GALNS: variants seen among roughly 807,000 people sequenced by gnomAD.
GALNS encodes the protein N-acetylgalactosamine-6-sulfatase.
In GALNS, 65 loss-of-function variants were observed where a neutral mutation model predicts 65.9. That is an observed-to-expected ratio of 0.99 (90% CI 0.81 to 1.21). The LOEUF is 1.21. Ranked by LOEUF, GALNS falls within the 50% of genes most tolerant of loss-of-function variation. The pLI is 0.00. For missense variants in GALNS, 776 were observed against 700.7 expected, an observed-to-expected ratio of 1.11 and a Z score of -1.21; for synonymous variants, 346 against 288.9, an observed-to-expected ratio of 1.20 and a Z score of -2.00.
chr16:88,842,655 T>C (rs1967028260), intron 2 of GALNS, 51 bp downstream of exon 2: 1 of 1,602,734 alleles, frequency 6.2e-7, no homozygotes. Flanking sequence ...CCGGGAGGCC[T>C]CGGCCTGTTG....
intron 2 of GALNS, 189 bp downstream of exon 2, chr16:88,842,517 C>T (rs1268182057): frequency 7.3e-6 from 5 of 689,254 alleles, no homozygotes; most frequent in African/African-American, 3.6e-5. Flanking sequence ...CAGCAGGTGC[C>T]GCACCCCACA....
intron 8 of GALNS, among the ~76,000 whole-genome samples, chr16:88,833,503 G>A (rs1911740538): frequency 6.7e-6 from 1 of 149,664 alleles, no homozygotes; most frequent in African/African-American, 2.5e-5. Context: ...CCAGGCTGGA[G>A]TGCAGTGGTG....
In GALNS at chr16:88,841,014, C is replaced by T. The variant is rs886052457; in HGVS notation, c.400G>A (p.Val134Ile). 29 of 1,613,142 alleles carry T rather than the reference C, an allele frequency of 1.8e-5. No individual in the cohort carries two copies. Among genetic ancestry groups the T allele is most frequent in the South Asian group, 3.3e-5 (3 of 91,086 alleles). ...LPELLKKAGY[V>I]SKIVGKWHLG... ...TACCACTTGCCGACAATCTTGCTGA[C>T]GTAGCCGGCCTTCTTCAGAAGCTCC... The change falls in exon 4 of 14, where the codon GTC becomes ATC. Residue 134 changes from valine (V) to isoleucine (I), a missense_variant. By Grantham distance (29) the Val-to-Ile change is conservative (BLOSUM62 3). Coordinates refer to ENST00000268695, the MANE Select transcript of GALNS (RefSeq NM_000512.5).
chr16:88,842,063 G>T, intron 2 of GALNS, 92 bp from the exon 3 acceptor site: 2 of 1,136,434 alleles, frequency 1.8e-6, no homozygotes, highest in Non-Finnish European at 2.6e-6. Flanking sequence ...AGACAGACGC[G>T]TGACAGACGA....
intron 9 of GALNS, among the ~76,000 whole-genome samples, chr16:88,828,283 C>CGGGA (rs1567523189): frequency 1.1e-4 from 1 of 9,164 alleles, no homozygotes; most frequent in African/African-American, 5.1e-4. Context: ...GCAGGGCGGG[C>CGGGA]GGGCGGGAGT....
At chr16:88,843,645 G>C (rs1269132855) in intron 1 of GALNS, 1 of 176,534 alleles carries the variant, frequency 5.7e-6, no homozygotes, top group Non-Finnish European at 1.2e-5. Flanking sequence ...GCAGCCACCA[G>C]CCAGGGGACA....
chr16:88,842,432 A>C, intron 2 of GALNS: 1 of 553,934 alleles, frequency 1.8e-6, no homozygotes, highest in East Asian at 3.1e-5. Context: ...ACCTCTCCCC[A>C]GGCGGCCACA....
intron 11 of GALNS, among the ~76,000 whole-genome samples, chr16:88,823,399 G>T (rs970338009): frequency 6.6e-5 from 10 of 152,280 alleles, no homozygotes; most frequent in Non-Finnish European, 1.0e-4. Flanking sequence ...TTCGGGAAAG[G>T]CGAGGTATGC....
intron 10 of GALNS, among the ~76,000 whole-genome samples, chr16:88,825,555 TCCGGGA>T (rs1256478659): frequency 8.6e-5 from 7 of 81,078 alleles, no homozygotes; most frequent in East Asian, 8.6e-4. Context: ...TGCCTGGGTG[TCCGGGA>T]CTGGGATTCC....
At chr16:88,826,973 G>A in intron 9 of GALNS, 135 bp from the exon 10 acceptor site, 3 of 1,070,658 alleles carry the variant, frequency 2.8e-6, no homozygotes, top group South Asian at 2.8e-5. Flanking sequence ...CACGCCCACA[G>A]CAGGGACTGA....
intron 9 of GALNS, among the ~76,000 whole-genome samples, chr16:88,830,911 G>A (rs1324791332): frequency 6.6e-6 from 1 of 152,214 alleles, no homozygotes; most frequent in Non-Finnish European, 1.5e-5. Context: ...GTAGTAGACA[G>A]ACAGGTTTTT....
At chr16:88,836,968 C>T (rs935061569) in intron 5 of GALNS, among the ~76,000 whole-genome samples, 1 of 152,210 alleles carries the variant, frequency 6.6e-6, no homozygotes, top group Non-Finnish European at 1.5e-5. Flanking sequence ...GAACTGCACA[C>T]TTCAAATGGG....
chr16:88,840,256 T>C (rs1339864810), intron 4 of GALNS: 3 of 154,388 alleles, frequency 1.9e-5, no homozygotes, highest in Admixed American at 1.3e-4. Flanking sequence ...GGAGCATCCA[T>C]CTGAAGGGGA....
intron 9 of GALNS, among the ~76,000 whole-genome samples, chr16:88,828,049 C>T (rs1190797609): frequency 6.6e-6 from 1 of 152,234 alleles, no homozygotes; most frequent in Non-Finnish European, 1.5e-5. Context: ...GATGTGGGGT[C>T]TGCAGCGCCC....
At chr16:88,817,086 C>T in intron 13 of GALNS, 38 of 985,474 alleles carry the variant, frequency 3.9e-5, no homozygotes, top group Non-Finnish European at 4.5e-5. Flanking sequence ...AAGACCTGCC[C>T]TGCTGGGACC....
At chr16:88,829,702 T>C (rs1006026585) in intron 9 of GALNS, among the ~76,000 whole-genome samples, 5 of 152,376 alleles carry the variant, frequency 3.3e-5, no homozygotes, top group Middle Eastern at 3.4e-3. Flanking sequence ...TCCCTAGTAA[T>C]TGGGGGACCC....
At chr16:88,831,955 G>A (rs976892033) in intron 9 of GALNS, 43 bp downstream of exon 9, 1 of 1,561,224 alleles carries the variant, frequency 6.4e-7, no homozygotes, top group Non-Finnish European at 8.8e-7. Flanking sequence ...GATGGCTGCA[G>A]GCCTGGACCT....
chr16:88,816,156 G>A (rs79512303), intron 13 of GALNS: 25,378 of 985,450 alleles, frequency 0.026, 380 homozygotes, highest in Non-Finnish European at 0.029. Context: ...CACAGGTGTG[G>A]CGGTGGGGGC....
Position 88,835,791 on chromosome 16 carries a change from G to A in GALNS, c.692C>T (p.Ala231Val), listed in dbSNP as rs34745339. The A allele has an allele frequency of 3.1e-6, 5 of 1,614,004 alleles. No individual in the cohort carries two copies. The African/African-American group carries it at 5.3e-5, about 17-fold the overall frequency. Residue 231 changes from alanine (A) to valine (V), a missense_variant, in exon 7 of 14, where the codon GCT becomes GTT. Physicochemically the swap from Ala to Val is moderately conservative, Grantham distance 64 (BLOSUM62 0). Transcript: ENST00000268695. ...ARHHPFFLYW[A>V]VDATHAPVYA... Reference sequence around the variant, plus strand: ...GACGGGTGCGTGCGTGGCGTCGACAGCCCAGTAGAGGAAAAAGGGGTGGTG... The same window carrying A: ...GACGGGTGCGTGCGTGGCGTCGACAACCCAGTAGAGGAAAAAGGGGTGGTG...
Sources: allele counts gnomAD v4.1 joint callset (sites outside exome capture counted in the v4.1 genomes callset), GRCh38; gene constraint gnomAD v4.1.1; transcripts MANE v1.5; gene names NCBI Gene and HGNC (gene_info 2026-07-23, HGNC 2026-07-21).